Variants in SHB observed in about 807,000 individuals in gnomAD.
SHB encodes SH2 domain containing adaptor protein B, also known as SH2 domain-containing adapter protein B.
Under a neutral mutation model 52.3 loss-of-function variants are expected in SHB, and 20 were observed. The observed-to-expected ratio is 0.38, with a 90% CI of 0.27 to 0.56. The LOEUF is 0.56. Ranked by LOEUF, SHB falls within the 20% of genes least tolerant of loss-of-function variation. The pLI is 0.71. For synonymous variants in SHB, 397 were observed against 316.5 expected (o/e 1.25, Z -2.70); for missense variants, 825 against 723.3 (o/e 1.14, Z -1.61).
chr9:38,012,563 C>T (rs1469678379), intron 2 of SHB, among the ~76,000 whole-genome samples: 1 of 152,004 alleles, frequency 6.6e-6, no homozygotes, highest in Non-Finnish European at 1.5e-5. Context: ...TGCTGCCCAT[C>T]GTCGCACAGC....
intron 1 of SHB, among the ~76,000 whole-genome samples, chr9:38,029,926 C>T (rs1400033750): frequency 6.6e-6 from 1 of 152,228 alleles, no homozygotes; most frequent in African/African-American, 2.4e-5. Flanking sequence ...TAGATGTACA[C>T]GTGCATGCGT....
At chr9:38,065,253 T>C (rs1481691113) in intron 1 of SHB, among the ~76,000 whole-genome samples, 1 of 152,150 alleles carries the variant, frequency 6.6e-6, no homozygotes, top group Admixed American at 6.5e-5. Flanking sequence ...CCTGACTGCC[T>C]GATGGGGTGG....
chr9:38,054,116 C>G (rs919571342), intron 1 of SHB, among the ~76,000 whole-genome samples: 1 of 152,186 alleles, frequency 6.6e-6, no homozygotes. Context: ...ACTAAGCTTC[C>G]AAGCACCAGG....
At chr9:37,965,076 CA>C (rs1832734146) in intron 3 of SHB, among the ~76,000 whole-genome samples, 1 of 152,256 alleles carries the variant, frequency 6.6e-6, no homozygotes, top group African/African-American at 2.4e-5. Flanking sequence ...CAAAGACCTG[CA>C]AGGAGCAGGC....
chr9:38,010,746 G>A (rs1339661836), intron 2 of SHB, among the ~76,000 whole-genome samples: 4 of 151,988 alleles, frequency 2.6e-5, no homozygotes, highest in East Asian at 1.9e-4. Flanking sequence ...GGGCAGTGGC[G>A]GTATCTGCCC....
intron 1 of SHB, among the ~76,000 whole-genome samples, chr9:38,037,880 A>G (rs973964777): frequency 6.6e-5 from 10 of 152,226 alleles, no homozygotes; most frequent in African/African-American, 2.2e-4. Context: ...ACAAATAGGC[A>G]TGACACAAGG....
rs1459133180 is a variant in SHB at position 38,068,136 on chromosome 9, G to T, written c.510C>A (p.Pro170=). 6.9e-7 allele frequency: 1 copy of T among 1,439,340 alleles called. No homozygotes were observed. Among genetic ancestry groups the T allele is most frequent in the African/African-American group, 1.5e-5 (1 of 66,900 alleles). The allele number at this position is 1,439,340 out of a possible 1,614,324, so 89.2% of individuals were successfully genotyped here. Reference sequence around the variant, plus strand: ...TGTAGCGCACCTCGGCCGGCGTGGCGGGCCGCCGCTCGCTGCTGCTGCGGT... The same window carrying T: ...TGTAGCGCACCTCGGCCGGCGTGGCTGGCCGCCGCTCGCTGCTGCTGCGGT... The part of the protein sequence containing the change: ...HLYRSSSERR[P]ATPAEVRYIS... The change falls in exon 1 of 6, where the codon CCC becomes CCA. Residue 170 remains proline (P), a synonymous_variant. Coordinates refer to ENST00000377707, the MANE Select transcript of SHB (RefSeq NM_003028.3).
intron 5 of SHB, among the ~76,000 whole-genome samples, chr9:37,945,344 G>A (rs1321351099): frequency 1.3e-5 from 2 of 152,238 alleles, no homozygotes; most frequent in East Asian, 1.9e-4. Context: ...TGCAGTACCA[G>A]GACGGTTCCC....
rs1041212367 is a variant in SHB, at chr9:38,069,136, C to A, written c.-491G>T. The stretch of plus-strand genomic sequence containing the variant: ...GCCCCGCAGCGGAGGAGAATGCGGC[C>A]GGGAGAGACAGCGAGCGACGGAGGA... On this transcript the variant is annotated 5_prime_UTR_variant, in exon 1 of 6. Transcript: ENST00000377707. The A allele has an allele frequency of 9.9e-5, 15 of 151,702 alleles. No homozygotes were observed. The East Asian group carries it at 3.0e-3, about 30-fold the overall frequency. 9.4% of individuals were successfully genotyped at this position (151,702 alleles called of 1,614,324 possible). A position where few individuals can be genotyped will look rare whatever the true frequency, so the allele number is the denominator to read the frequency against.
intron 2 of SHB, among the ~76,000 whole-genome samples, chr9:37,985,217 G>C (rs1564094693): frequency 6.6e-6 from 1 of 152,218 alleles, no homozygotes; most frequent in Non-Finnish European, 1.5e-5. Context: ...TTTATGCTCA[G>C]CCTGAGGGCA....
intron 2 of SHB, among the ~76,000 whole-genome samples, chr9:38,012,717 T>G (rs1821156017): frequency 6.6e-6 from 1 of 151,530 alleles, no homozygotes; most frequent in Non-Finnish European, 1.5e-5. Flanking sequence ...ACGCTCCTCC[T>G]GTACAGGTAC....
chr9:37,924,431 T>A (rs1359235903), intron 5 of SHB, among the ~76,000 whole-genome samples: 1 of 152,216 alleles, frequency 6.6e-6, no homozygotes, highest in East Asian at 1.9e-4. Flanking sequence ...GTTAAATCGC[T>A]TCTTTTCATG....
At position 37,955,985 on chromosome 9, in the gene SHB, C is replaced by T. The variant is rs551674245; in HGVS notation, c.1124G>A (p.Arg375His). The T allele has an allele frequency of 1.9e-5, 30 of 1,601,560 alleles. No homozygotes were observed. Among genetic ancestry groups the T allele is most frequent in the Middle Eastern group, 3.3e-4 (2 of 6,054 alleles). The part of the protein sequence containing the change: ...SPSRDRRRQL[R>H]APGGGFKPIK... The stretch of plus-strand genomic sequence containing the variant: ...AGGCTTAAAGCCCCCTCCAGGGGCA[C>T]GAAGCTGGCGCCGCCGGTCCCGCGA... The change falls in exon 4 of 6, where the codon CGT becomes CAT. Residue 375 changes from arginine (R) to histidine (H), a missense_variant. Coordinates refer to ENST00000377707, the MANE Select transcript of SHB (RefSeq NM_003028.3).
intron 1 of SHB, among the ~76,000 whole-genome samples, chr9:38,048,978 T>C (rs1289330423): frequency 6.6e-6 from 1 of 152,192 alleles, no homozygotes; most frequent in African/African-American, 2.4e-5. Flanking sequence ...ATACAGTCTA[T>C]TCACAGGCAC....
At chr9:37,920,046 A>G (rs775847788) in intron 5 of SHB, 42 bp from the exon 6 acceptor site, 4 of 1,534,188 alleles carry the variant, frequency 2.6e-6, no homozygotes, top group Non-Finnish European at 3.6e-6. Flanking sequence ...CCCCCCTGAC[A>G]CTCAGGCTGA....
intron 2 of SHB, among the ~76,000 whole-genome samples, chr9:37,981,610 C>T (rs1422562660): frequency 2.6e-5 from 4 of 152,120 alleles, no homozygotes; most frequent in Admixed American, 6.5e-5. Context: ...GCTAACTATT[C>T]GGTGCAAGAA....
At chr9:38,009,902 T>C (rs73437970) in intron 2 of SHB, among the ~76,000 whole-genome samples, 7,463 of 152,342 alleles carry the variant, frequency 0.049, 417 homozygotes, top group African/African-American at 0.14. Context: ...TAATGTGTAA[T>C]TGCTTACATA....
intron 1 of SHB, among the ~76,000 whole-genome samples, chr9:38,024,640 C>T (rs1305637876): frequency 6.6e-6 from 1 of 152,198 alleles, no homozygotes; most frequent in Non-Finnish European, 1.5e-5. Context: ...CTGGCTCCAC[C>T]CTCTGTTTAC....
chr9:37,946,028 A>G (rs1272206582), intron 5 of SHB, among the ~76,000 whole-genome samples: 15 of 152,156 alleles, frequency 9.9e-5, no homozygotes, highest in Admixed American at 9.8e-4. Flanking sequence ...GGGCAGGGTT[A>G]TGGGAATCAC....
Sources: gnomAD v4.1 joint callset for allele counts (sites outside exome capture counted in the v4.1 genomes callset) on GRCh38, gnomAD v4.1.1 for gene constraint, MANE v1.5 for transcripts, NCBI Gene and HGNC (gene_info 2026-07-23, HGNC 2026-07-21) for gene names.